The following VTI1A variants were observed in gnomAD, a reference collection of about 807,000 sequenced individuals.
The protein encoded by VTI1A is vesicle transport through interaction with t-SNAREs homolog 1A.
In VTI1A, 22 loss-of-function variants were observed where a neutral mutation model predicts 34.9. The ratio of observed to expected loss-of-function variants is 0.63; its 90% CI spans 0.45 to 0.90. The LOEUF (loss-of-function observed/expected upper bound fraction) is 0.90, where lower values mean the gene tolerates loss of function less well. Ranked by LOEUF, VTI1A falls within the 40% of genes least tolerant of loss-of-function variation. The probability of loss-of-function intolerance (pLI) is 0.00; values close to 1 mark genes in which losing one functional copy is unlikely to be tolerated. For missense variants in VTI1A, 268 were observed against 275.6 expected, an observed-to-expected ratio of 0.97 and a Z score of 0.20; for synonymous variants, 87 against 97.3, an observed-to-expected ratio of 0.89 and a Z score of 0.62.
intron 5 of VTI1A, among the ~76,000 whole-genome samples, chr10:112,557,874 C>A (rs1331066427): frequency 6.6e-6 from 1 of 152,130 alleles, no homozygotes; most frequent in African/African-American, 2.4e-5. Flanking sequence ...TGAAGAAGCA[C>A]CTGGTGTTTT....
At chr10:112,550,460 C>G (rs757123892) in intron 5 of VTI1A, among the ~76,000 whole-genome samples, 1 of 151,554 alleles carries the variant, frequency 6.6e-6, no homozygotes, top group African/African-American at 2.4e-5. Flanking sequence ...TTGTGTACAA[C>G]TTATATCAAG....
chr10:112,645,871 A>G lies in VTI1A; in HGVS notation c.428-22347A>G, dbSNP rs1230951946. ...TGATCATTTATTTATTTATCCATCTATCCATCCATCCTAGAAGCATGTATT... is the reference window on the plus strand; with the variant it reads ...TGATCATTTATTTATTTATCCATCTGTCCATCCATCCTAGAAGCATGTATT... On this transcript the variant is annotated intron_variant, in intron 5 of 7. Coordinates refer to ENST00000393077, the MANE Select transcript of VTI1A (RefSeq NM_145206.4). Among the ~76,000 whole-genome samples, 3 of 150,648 alleles carry G rather than the reference A, an allele frequency of 2.0e-5. No homozygotes were observed. The East Asian group carries it at 5.8e-4, about 29-fold the overall frequency.
chr10:112,773,608 C>T (rs551853779), intron 7 of VTI1A, among the ~76,000 whole-genome samples: 1 of 152,246 alleles, frequency 6.6e-6, no homozygotes, highest in East Asian at 1.9e-4. Flanking sequence ...ACCCTCAACA[C>T]TTCTCAGTGT....
chr10:112,743,508 C>G (rs1850771892), intron 7 of VTI1A, among the ~76,000 whole-genome samples: 1 of 152,154 alleles, frequency 6.6e-6, no homozygotes, highest in Admixed American at 6.5e-5. Context: ...TCGTCAATAT[C>G]CAGTAACCAT....
chr10:112,688,826 A>G (rs2133875173), intron 7 of VTI1A, among the ~76,000 whole-genome samples: 1 of 152,284 alleles, frequency 6.6e-6, no homozygotes, highest in Middle Eastern at 3.4e-3. Context: ...GGCATCAGCC[A>G]CTGTGCCTGG....
chr10:112,700,640 C>A (rs1848978264), intron 7 of VTI1A, among the ~76,000 whole-genome samples: 1 of 152,178 alleles, frequency 6.6e-6, no homozygotes. Flanking sequence ...ATATTGGCTT[C>A]CAAACAACAA....
the VTI1A span, among the ~76,000 whole-genome samples, chr10:112,845,703 G>C: frequency 6.6e-6 from 1 of 152,130 alleles, no homozygotes; most frequent in Admixed American, 6.5e-5. Context: ...GTTCTCCCAA[G>C]GTGGAGCTGA....
At chr10:112,492,614 TG>T (rs1848867925) in intron 3 of VTI1A, among the ~76,000 whole-genome samples, 1 of 152,026 alleles carries the variant, frequency 6.6e-6, no homozygotes, top group African/African-American at 2.4e-5. Context: ...GGTGAGACCC[TG>T]TCTCTACAAA....
chr10:112,634,446 C>T (rs992990112), intron 5 of VTI1A, among the ~76,000 whole-genome samples: 1 of 151,228 alleles, frequency 6.6e-6, no homozygotes, highest in Non-Finnish European at 1.5e-5. Flanking sequence ...TTTCTTTCTC[C>T]AAAGATTATC....
intron 7 of VTI1A, among the ~76,000 whole-genome samples, chr10:112,744,088 T>G (rs1850797674): frequency 1.3e-5 from 2 of 152,322 alleles, no homozygotes; most frequent in South Asian, 2.1e-4. Context: ...CCATAAGAAA[T>G]TGCCAGTATT....
chr10:112,621,019 A>G (rs1053376531), intron 5 of VTI1A, among the ~76,000 whole-genome samples: 1 of 152,172 alleles, frequency 6.6e-6, no homozygotes, highest in South Asian at 2.1e-4. Flanking sequence ...TGTTCTATAG[A>G]TGGAGAATTC....
intron 4 of VTI1A, among the ~76,000 whole-genome samples, chr10:112,531,063 TCACACACACACACACACA>T (rs10670312): frequency 3.6e-5 from 5 of 139,844 alleles, no homozygotes; most frequent in East Asian, 2.2e-4. Context: ...GTGACACACC[TCACACACACACACACACA>T]CACACACACA....
chr10:112,734,635 A>G (rs1850388427), intron 7 of VTI1A, among the ~76,000 whole-genome samples: 2 of 150,308 alleles, frequency 1.3e-5, no homozygotes, highest in South Asian at 4.2e-4. Flanking sequence ...CAACCATTGT[A>G]TAAGTCCTCA....
chr10:112,622,402 CAA>C (rs1370852227), intron 5 of VTI1A, among the ~76,000 whole-genome samples: 3 of 148,970 alleles, frequency 2.0e-5, no homozygotes, highest in Non-Finnish European at 4.4e-5. Flanking sequence ...TAATGCAGAC[CAA>C]GAGTGCTATT....
At chr10:112,714,538 C>T (rs1202004677) in intron 7 of VTI1A, among the ~76,000 whole-genome samples, 3 of 152,200 alleles carry the variant, frequency 2.0e-5, no homozygotes, top group Non-Finnish European at 4.4e-5. Context: ...CTTGTCATGC[C>T]TCTTCTGAGC....
rs541634569 is a variant in VTI1A, at chr10:112,818,568, G to C, written c.*3185G>C. 4.5e-6 allele frequency: 1 copy of C among 222,574 alleles called. No homozygotes were observed. 13.8% of individuals were successfully genotyped at this position (222,574 alleles called of 1,614,324 possible). On this transcript the variant is annotated 3_prime_UTR_variant, in exon 8 of 8. Coordinates refer to ENST00000393077, the MANE Select transcript of VTI1A (RefSeq NM_145206.4). ...AGTTGTAATGGTGTCAAAAAGTCAC[G>C]ACTGACTGACAGCCGTCAGTCCCAG...
At chr10:112,688,214 A>G (rs1008042445) in intron 7 of VTI1A, among the ~76,000 whole-genome samples, 1 of 151,866 alleles carries the variant, frequency 6.6e-6, no homozygotes, top group African/African-American at 2.4e-5. Flanking sequence ...TCAGCCTCCC[A>G]AAGTGCTGGG....
chr10:112,535,235 AAC>A (rs1386812017), intron 4 of VTI1A, among the ~76,000 whole-genome samples: 2 of 152,176 alleles, frequency 1.3e-5, no homozygotes, highest in Non-Finnish European at 2.9e-5. Flanking sequence ...TTAATCAACT[AAC>A]AGAATAATAT....
intron 3 of VTI1A, among the ~76,000 whole-genome samples, chr10:112,521,369 C>A (rs963415964): frequency 6.6e-6 from 1 of 151,982 alleles, no homozygotes; most frequent in African/African-American, 2.4e-5. Flanking sequence ...TATGTATTAG[C>A]AAATGATTTT....
Sources: gnomAD v4.1 joint callset for allele counts (sites outside exome capture counted in the v4.1 genomes callset) on GRCh38, gnomAD v4.1.1 for gene constraint, MANE v1.5 for transcripts, NCBI Gene and HGNC (gene_info 2026-07-23, HGNC 2026-07-21) for gene names.